The following GASK1A variants were observed in gnomAD, a reference collection of about 807,000 sequenced individuals.
The protein encoded by GASK1A is golgi associated kinase 1A.
In GASK1A, 40 loss-of-function variants were observed where a neutral mutation model predicts 41.2. The observed-to-expected ratio is 0.97, with a 90% CI of 0.75 to 1.27. The LOEUF is 1.27. Among genes scored for constraint, GASK1A ranks in the 50% most tolerant of loss-of-function variants. The probability of loss-of-function intolerance (pLI) is 0.00; values close to 1 mark genes in which losing one functional copy is unlikely to be tolerated. For missense variants in GASK1A, 678 were observed against 745.1 expected, an observed-to-expected ratio of 0.91 and a Z score of 1.05; for synonymous variants, 316 against 307.1, an observed-to-expected ratio of 1.03 and a Z score of -0.30.
intron 1 of GASK1A, among the ~76,000 whole-genome samples, chr3:43,009,290 G>A (rs1242283351): frequency 6.6e-6 from 1 of 152,220 alleles, no homozygotes; most frequent in African/African-American, 2.4e-5. Flanking sequence ...CATCTCCCAT[G>A]TCTCAGCTGG....
chr3:42,994,596 C>G (rs556105069), intron 1 of GASK1A, among the ~76,000 whole-genome samples: 1 of 152,174 alleles, frequency 6.6e-6, no homozygotes, highest in East Asian at 1.9e-4. Context: ...ATTCGGTAGA[C>G]AAGCAGAACA....
chr3:43,046,946 T>C (rs957674823), intron 2 of GASK1A, among the ~76,000 whole-genome samples: 1 of 152,188 alleles, frequency 6.6e-6, no homozygotes, highest in African/African-American at 2.4e-5. Flanking sequence ...GAATTGAGCT[T>C]TGGAAACCTT....
intron 1 of GASK1A, among the ~76,000 whole-genome samples, chr3:42,981,232 C>A (rs1198966759): frequency 5.3e-5 from 8 of 152,136 alleles, no homozygotes; most frequent in Non-Finnish European, 7.4e-5. Flanking sequence ...GAGAGAGGGG[C>A]CTGATGGTCA....
At chr3:42,995,172 G>A (rs375922328) in intron 1 of GASK1A, among the ~76,000 whole-genome samples, 4 of 152,162 alleles carry the variant, frequency 2.6e-5, no homozygotes, top group African/African-American at 4.8e-5. Flanking sequence ...AAACAAATCC[G>A]CCTATGTTTC....
At position 43,043,243 on chromosome 3, in the gene GASK1A, G is replaced by T. The variant is rs116542220; in HGVS notation, c.1290+9690G>T. Among the ~76,000 whole-genome samples, 388 of 152,248 alleles carry T rather than the reference G, an allele frequency of 2.5e-3. 1 individual carries two copies. The highest frequency in any genetic ancestry group is 8.7e-3 in the African/African-American group (363 of 41,538). On this transcript the variant is annotated intron_variant, in intron 2 of 4. Transcript: ENST00000430121. ...GAAGTGTCTCTGCGCTAGGGGCATG[G>T]GCCACCAGAGACAGCAGATGGCTCT...
intron 1 of GASK1A, among the ~76,000 whole-genome samples, chr3:42,980,843 G>C (rs146894862): frequency 1.3e-5 from 2 of 152,254 alleles, no homozygotes; most frequent in African/African-American, 4.8e-5. Context: ...AATGATTGGG[G>C]GTACAGGATG....
Position 42,984,099 on chromosome 3 carries a change from T to C in GASK1A, c.3+4454T>C, listed in dbSNP as rs1178445142. ...GGTTGCTGTGAGTCACCTGGGGCTG[T>C]CTTTGCTTGGATCATCTTGTGATGT... is the stretch of plus-strand genomic sequence containing the variant. On this transcript the variant is annotated intron_variant, in intron 1 of 4. Transcript: ENST00000430121. This position sits in a 1 kb window ranked among gnomAD's most constrained non-coding sequence, Gnocchi z 4.2. Among the ~76,000 whole-genome samples the C allele has an allele frequency of 6.6e-6, 1 of 152,066 alleles. No individual in the cohort carries two copies. The highest frequency in any genetic ancestry group is 1.9e-4 in the East Asian group (1 of 5,170).
At chr3:43,018,344 T>C (rs542853472) in intron 1 of GASK1A, among the ~76,000 whole-genome samples, 1 of 152,322 alleles carries the variant, frequency 6.6e-6, no homozygotes, top group South Asian at 2.1e-4. Context: ...ATGTGCTCAA[T>C]AAGTGGTCAT....
intron 1 of GASK1A, among the ~76,000 whole-genome samples, chr3:43,027,374 A>T (rs2089551631): frequency 6.6e-6 from 1 of 152,226 alleles, no homozygotes. Context: ...AATATAAACA[A>T]TTGGATGGGG....
At chr3:43,044,590 T>C in intron 2 of GASK1A, among the ~76,000 whole-genome samples, 1 of 152,172 alleles carries the variant, frequency 6.6e-6, no homozygotes, top group East Asian at 1.9e-4. Context: ...TCAATTCGCA[T>C]AGCCAGGACA....
intron 2 of GASK1A, among the ~76,000 whole-genome samples, chr3:43,039,876 G>T (rs2089627112): frequency 1.3e-5 from 2 of 152,072 alleles, no homozygotes; most frequent in Admixed American, 1.3e-4. Context: ...TTGGGTTGTT[G>T]GTCTTTTTCT....
intron 3 of GASK1A, 147 bp downstream of exon 3, chr3:43,053,790 A>G: frequency 1.0e-6 from 1 of 961,356 alleles, no homozygotes; most frequent in South Asian, 1.4e-5. Flanking sequence ...AGTTGTTTGA[A>G]TATTTCCAGG....
intron 1 of GASK1A, among the ~76,000 whole-genome samples, chr3:43,021,112 C>T (rs1303373828): frequency 6.6e-6 from 1 of 152,164 alleles, no homozygotes; most frequent in Admixed American, 6.5e-5. Flanking sequence ...CTGTCCCCTG[C>T]CCCGCACAGT....
intron 1 of GASK1A, among the ~76,000 whole-genome samples, chr3:43,026,260 T>C (rs1034515150): frequency 1.3e-5 from 2 of 152,210 alleles, no homozygotes; most frequent in African/African-American, 2.4e-5. Context: ...AGCCTGGTCA[T>C]GGGGTAGATG....
intron 1 of GASK1A, among the ~76,000 whole-genome samples, chr3:43,023,294 C>G (rs1272021048): frequency 1.3e-5 from 2 of 152,194 alleles, no homozygotes; most frequent in African/African-American, 4.8e-5. Context: ...GGAACAGATT[C>G]TCCCCTAGAG....
At chr3:43,002,950 A>AT (rs2089417789) in intron 1 of GASK1A, among the ~76,000 whole-genome samples, 1 of 152,034 alleles carries the variant, frequency 6.6e-6, no homozygotes, top group South Asian at 2.1e-4. Context: ...TTTTTCTCTG[A>AT]TTTTCATTTC....
In GASK1A at chr3:43,057,084, T is replaced by G. The variant is rs915296770; in HGVS notation, c.*698T>G. The G allele has an allele frequency of 1.3e-5, 2 of 152,234 alleles. No homozygotes were observed. Among genetic ancestry groups the G allele is most frequent in the Non-Finnish European group, 2.9e-5 (2 of 68,046 alleles). The allele number at this position is 152,234 out of a possible 1,614,324, so 9.4% of individuals were successfully genotyped here. ...TAAAAAATGAAAGTGTGGTCATGCTTTGTCAACTCACTATATTTTTACTTT... is the reference window on the plus strand; with the variant it reads ...TAAAAAATGAAAGTGTGGTCATGCTGTGTCAACTCACTATATTTTTACTTT... On this transcript the variant is annotated 3_prime_UTR_variant, in exon 5 of 5. Transcript: ENST00000430121.
chr3:43,008,998 A>G (rs2089449619), intron 1 of GASK1A, among the ~76,000 whole-genome samples: 1 of 152,248 alleles, frequency 6.6e-6, no homozygotes, highest in South Asian at 2.1e-4. Context: ...AGATTTAATG[A>G]TAATGCTAAG....
chr3:43,004,173 A>C (rs2089423346), intron 1 of GASK1A, among the ~76,000 whole-genome samples: 1 of 152,206 alleles, frequency 6.6e-6, no homozygotes. Context: ...TAGACTTCCC[A>C]AGATGAGTTT....
Sources: allele counts gnomAD v4.1 joint callset (sites outside exome capture counted in the v4.1 genomes callset), GRCh38; gene constraint gnomAD v4.1.1; non-coding constraint Gnocchi (gnomAD v3.1); transcripts MANE v1.5; gene names NCBI Gene and HGNC (gene_info 2026-07-23, HGNC 2026-07-21).